The following SP140 variants were observed in gnomAD, a reference collection of about 807,000 sequenced individuals.
The protein encoded by SP140 is nuclear body protein SP140.
SP140 carries 81 observed loss-of-function variants against 125.0 expected under a neutral mutation model. The observed-to-expected ratio is 0.65, with a 90% CI of 0.54 to 0.78. The LOEUF (loss-of-function observed/expected upper bound fraction) is 0.78. Among genes scored for constraint, SP140 ranks in the 30% least tolerant of loss-of-function variants. The pLI, the probability that SP140 is intolerant of heterozygous loss-of-function variation, is 0.00. For synonymous variants in SP140, 312 were observed against 354.0 expected (o/e 0.88, Z 1.33); for missense variants, 858 against 1,037.0 (o/e 0.83, Z 2.37).
At chr2:230,206,935 C>A (rs2043927406) in intron 1 of SP140, among the ~76,000 whole-genome samples, 1 of 151,940 alleles carries the variant, frequency 6.6e-6, no homozygotes. Context: ...TAGGTTAAAT[C>A]CTAAAGTACC....
intron 1 of SP140, chr2:230,212,704 T>G (rs1201939097): frequency 1.9e-6 from 3 of 1,604,624 alleles, no homozygotes; most frequent in Non-Finnish European, 2.6e-6. Context: ...GGCGGCAACA[T>G]GGCACAGGCA....
chr2:230,255,546 G>C lies in SP140; in HGVS notation c.1240+14G>C, dbSNP rs200482643. ...GACGTGGGTCAGGTAAGGACGGGGG[G>C]GGGGATTTCTGGCCCTGGGCTGCAG... is the stretch of plus-strand genomic sequence containing the variant. On this transcript the variant is annotated intron_variant, in intron 12 of 26. Transcript: ENST00000392045. The C allele has an allele frequency of 1.5e-4, 236 of 1,611,280 alleles. No homozygotes were observed. Among genetic ancestry groups the C allele is most frequent in the African/African-American group, 1.2e-3 (91 of 74,928 alleles).
At chr2:230,228,486 G>A (rs2046779610) in intron 1 of SP140, among the ~76,000 whole-genome samples, 1 of 152,208 alleles carries the variant, frequency 6.6e-6, no homozygotes. Flanking sequence ...AAAAAGAAGT[G>A]TTGAAGCCTT....
intron 12 of SP140, among the ~76,000 whole-genome samples, chr2:230,265,248 G>A (rs1400619954): frequency 6.6e-6 from 1 of 152,032 alleles, no homozygotes; most frequent in Non-Finnish European, 1.5e-5. Context: ...GGAAATGGGG[G>A]AAAGCTGGCA....
chr2:230,271,603 G>A (rs1166317931), intron 15 of SP140, among the ~76,000 whole-genome samples: 1 of 152,156 alleles, frequency 6.6e-6, no homozygotes, highest in Admixed American at 6.5e-5. Flanking sequence ...GAACTTTCTG[G>A]ATCTATAGCT....
chr2:230,264,019 C>T (rs1180734794), intron 12 of SP140, among the ~76,000 whole-genome samples: 2 of 152,168 alleles, frequency 1.3e-5, no homozygotes, highest in Non-Finnish European at 2.9e-5. Flanking sequence ...GTCTAGGTCT[C>T]TAGCAAGGCC....
At chr2:230,187,404 T>C in the SP140 span, among the ~76,000 whole-genome samples, 1 of 152,228 alleles carries the variant, frequency 6.6e-6, no homozygotes, top group African/African-American at 2.4e-5. Flanking sequence ...CTTCATTGGA[T>C]GCATAATTTG....
intron 1 of SP140, among the ~76,000 whole-genome samples, chr2:230,234,783 C>T (rs569397070): frequency 1.6e-4 from 25 of 151,720 alleles, no homozygotes; most frequent in African/African-American, 6.0e-4. Context: ...CTGGTTGTTT[C>T]TTTTCTGCAT....
chr2:230,275,367 C>T (rs2054560911), intron 15 of SP140, among the ~76,000 whole-genome samples: 1 of 152,160 alleles, frequency 6.6e-6, no homozygotes, highest in Non-Finnish European at 1.5e-5. Context: ...GTCTCTGTCA[C>T]ATTTTGGTAA....
intron 15 of SP140, among the ~76,000 whole-genome samples, chr2:230,274,258 T>C (rs1402150901): frequency 6.6e-6 from 1 of 152,146 alleles, no homozygotes; most frequent in African/African-American, 2.4e-5. Flanking sequence ...AACAAAGATT[T>C]CCATGTCCTA....
rs188693182 is a variant in SP140, at chr2:230,232,618, T to C, written c.60-4465T>C. ...CTTTTTGTTTTAAATTTTGGTTTTA[T>C]TATAGTATTATCTTATAGCCAGAGC... On this transcript the variant is annotated intron_variant, in intron 1 of 26. Coordinates refer to ENST00000392045, the MANE Select transcript of SP140 (RefSeq NM_007237.5). 5.9e-5 allele frequency among the ~76,000 whole-genome samples: 9 copies of C among 152,352 alleles called. No homozygotes were observed. In the East Asian group the frequency reaches 1.7e-3, roughly 29 times the overall value.
chr2:230,247,059 T>C (rs2049561389), intron 7 of SP140, among the ~76,000 whole-genome samples: 3 of 152,152 alleles, frequency 2.0e-5, no homozygotes, highest in Admixed American at 2.0e-4. Context: ...GTCCCCAGCC[T>C]ATCAAAATGG....
chr2:230,297,616 A>G (rs752206190), intron 22 of SP140, among the ~76,000 whole-genome samples, 154 bp downstream of exon 22: 1 of 152,206 alleles, frequency 6.6e-6, no homozygotes, highest in Non-Finnish European at 1.5e-5. Context: ...AGCCAGGTAG[A>G]TGTGCCTGGG....
chr2:230,259,030 C>T (rs1308287090), intron 12 of SP140, among the ~76,000 whole-genome samples: 1 of 152,180 alleles, frequency 6.6e-6, no homozygotes, highest in Non-Finnish European at 1.5e-5. Flanking sequence ...AGCAATGGCT[C>T]TTTGATGTCT....
intron 22 of SP140, among the ~76,000 whole-genome samples, chr2:230,304,923 C>T (rs1337997896): frequency 1.3e-5 from 2 of 152,162 alleles, no homozygotes; most frequent in African/African-American, 4.8e-5. Context: ...TTTAATTAAA[C>T]TAAAAGGCTT....
chr2:230,284,319 ATTAAC>A, intron 15 of SP140, 22 bp from the exon 16 acceptor site: 1 of 1,581,148 alleles, frequency 6.3e-7, no homozygotes, highest in South Asian at 1.1e-5. Context: ...CCTCTGCATA[ATTAAC>A]TTTATTCTCT....
chr2:230,292,271 C>A (rs1187790583), intron 19 of SP140, among the ~76,000 whole-genome samples: 3 of 152,202 alleles, frequency 2.0e-5, no homozygotes, highest in Admixed American at 2.0e-4. Context: ...ACATTGCCCT[C>A]ACAGCCATCT....
intron 1 of SP140, among the ~76,000 whole-genome samples, chr2:230,233,593 A>G (rs2047563619): frequency 6.6e-6 from 1 of 152,164 alleles, no homozygotes; most frequent in Admixed American, 6.5e-5. Flanking sequence ...GCTATTTACG[A>G]TATTAGAAAT....
chr2:230,214,874 A>G, intron 3 of SP140: 1 of 1,260,272 alleles, frequency 7.9e-7, no homozygotes, highest in South Asian at 1.2e-5. Context: ...TGCATATTCC[A>G]CAGGGCTAGA....
Sources: gnomAD v4.1 joint callset for allele counts (sites outside exome capture counted in the v4.1 genomes callset) on GRCh38, gnomAD v4.1.1 for gene constraint, MANE v1.5 for transcripts, NCBI Gene and HGNC (gene_info 2026-07-23, HGNC 2026-07-21) for gene names.